Variants in SLC22A15 observed in about 807,000 individuals in gnomAD.
SLC22A15 encodes flipt 1.
In SLC22A15, 45 loss-of-function variants were observed where a neutral mutation model predicts 62.7. The ratio of observed to expected loss-of-function variants is 0.72; its 90% confidence interval spans 0.56 to 0.92. The LOEUF is 0.92. Among genes scored for constraint, SLC22A15 ranks in the 40% least tolerant of loss-of-function variants. The pLI, the probability that SLC22A15 is intolerant of heterozygous loss-of-function variation, is 0.00. For synonymous variants in SLC22A15, 264 were observed against 267.0 expected, an observed-to-expected ratio of 0.99 and a Z score of 0.11; for missense variants, 622 against 665.6, an observed-to-expected ratio of 0.93 and a Z score of 0.72.
chr1:116,045,403 C>G (rs1657906419), intron 8 of SLC22A15, among the ~76,000 whole-genome samples: 1 of 151,500 alleles, frequency 6.6e-6, no homozygotes. Context: ...ATAATTTTAT[C>G]AAGGAAAAAC....
Position 116,035,267 on chromosome 1 carries a change from T to C in SLC22A15, c.1025T>C (p.Leu342Pro). The stretch of plus-strand genomic sequence containing the variant: ...GGAAGTATTTATGCCAACCTGGCCC[T>C]GTCTGGCCTCATAGAGATTCCATCT... ...LGGSIYANLA[L>P]SGLIEIPSYP... Residue 342 changes from leucine (L) to proline (P), a missense_variant, in exon 7 of 12, where the codon CTG (leucine) becomes CCG (proline). Coordinates refer to ENST00000369503, the MANE Select transcript of SLC22A15 (RefSeq NM_018420.3). 1 of 1,613,472 alleles carries C rather than the reference T, an allele frequency of 6.2e-7. No individual in the cohort carries two copies. The highest frequency in any genetic ancestry group is 1.1e-5 in the South Asian group (1 of 91,044).
chr1:116,042,725 C>T lies in SLC22A15; in HGVS notation c.1171+5337C>T, dbSNP rs1012930963. ...AGCAAAAACATACAGAATTGAAAGG[C>T]GAAATAGACAAATCCAAGAAACACA... On this transcript the variant is annotated intron_variant, in intron 8 of 11. Transcript: ENST00000369503. 7.9e-5 allele frequency among the ~76,000 whole-genome samples: 12 copies of T among 152,100 alleles called. No homozygotes were observed. The East Asian group carries it at 9.7e-4, about 12-fold the overall frequency.
At chr1:115,998,978 A>G (rs936971587) in intron 2 of SLC22A15, among the ~76,000 whole-genome samples, 1 of 151,598 alleles carries the variant, frequency 6.6e-6, no homozygotes, top group Non-Finnish European at 1.5e-5. Flanking sequence ...TTGTATTTCT[A>G]TTTTCATTTG....
chr1:116,050,096 T>C (rs1168983847), intron 8 of SLC22A15, among the ~76,000 whole-genome samples: 1 of 152,018 alleles, frequency 6.6e-6, no homozygotes, highest in African/African-American at 2.4e-5. Context: ...GAGATTGAAA[T>C]GGTAATTTAA....
chr1:116,050,704 T>C (rs1658030033), intron 8 of SLC22A15, among the ~76,000 whole-genome samples: 1 of 152,162 alleles, frequency 6.6e-6, no homozygotes, highest in Non-Finnish European at 1.5e-5. Context: ...TTCGACATAG[T>C]ACTGGAAGTC....
At position 116,067,183 on chromosome 1, in the gene SLC22A15, C is replaced by T. The variant is rs149892381; in HGVS notation, c.*75C>T. 1.7e-4 allele frequency: 193 copies of T among 1,107,616 alleles called. No individual in the cohort carries two copies. In the African/African-American group the frequency reaches 2.3e-3, roughly 13 times the overall value. 68.6% of individuals were successfully genotyped at this position (1,107,616 alleles called of 1,614,324 possible). A position where few individuals can be genotyped will look rare whatever the true frequency, so the allele number is the denominator to read the frequency against. On this transcript the variant is annotated 3_prime_UTR_variant, in exon 12 of 12. Coordinates refer to ENST00000369503, the MANE Select transcript of SLC22A15 (RefSeq NM_018420.3). The stretch of plus-strand genomic sequence containing the variant: ...GGCTAAGGCAGGTTCTTCCATGACT[C>T]CTAAGAGAGTTGTAAAAATAGAGGC...
chr1:116,055,986 A>G (rs1228108126), intron 8 of SLC22A15, among the ~76,000 whole-genome samples: 25 of 133,036 alleles, frequency 1.9e-4, no homozygotes, highest in Admixed American at 3.1e-4. Context: ...TTCCCTTTGA[A>G]AACTGGCACA....
In SLC22A15 at chr1:115,992,162, G is replaced by A; in HGVS notation, c.219G>A (p.Gly73=). The A allele has an allele frequency of 6.2e-7, 1 of 1,612,872 alleles. No homozygotes were observed. The highest frequency in any genetic ancestry group is 8.5e-7 in the Non-Finnish European group (1 of 1,179,466). Residue 73 remains glycine (G), a synonymous_variant, in exon 2 of 12, where the codon GGG becomes GGA. Coordinates refer to ENST00000369503, the MANE Select transcript of SLC22A15 (RefSeq NM_018420.3). ...NQSAGEDQAF[G]DWLLTANGSE... Reference sequence around the variant, plus strand: ...CAGCTGGTGAAGACCAGGCCTTTGGGGACTGGCTCCTGACAGCCAACGGCA... The same window carrying A: ...CAGCTGGTGAAGACCAGGCCTTTGGAGACTGGCTCCTGACAGCCAACGGCA...
chr1:116,013,432 A>T (rs1656371165), intron 2 of SLC22A15, among the ~76,000 whole-genome samples: 1 of 152,154 alleles, frequency 6.6e-6, no homozygotes, highest in South Asian at 2.1e-4. Flanking sequence ...GGGTGAAAAA[A>T]TAGAAAGTCT....
rs1412440881 is a variant in SLC22A15 at position 116,067,044 on chromosome 1, G to A, written c.1580G>A (p.Gly527Glu). Reference sequence around the variant, plus strand: ...TGTGTGGACAAGGAGAGCTCTTTAGGGAGTGAGAGTGAGGAAGAGGAAGAA... The same window carrying A: ...TGTGTGGACAAGGAGAGCTCTTTAGAGAGTGAGAGTGAGGAAGAGGAAGAA... ...QQCVDKESSL[G>E]SESEEEEEFY... The change falls in exon 12 of 12, where the codon GGG becomes GAG. Residue 527 changes from glycine to glutamate, a missense_variant. Transcript: ENST00000369503. 1.2e-6 allele frequency: 2 copies of A among 1,612,606 alleles called. No individual in the cohort carries two copies. The highest frequency in any genetic ancestry group is 8.5e-7 in the Non-Finnish European group (1 of 1,179,432).
intron 2 of SLC22A15, among the ~76,000 whole-genome samples, chr1:115,995,220 C>G (rs967467427): frequency 6.6e-6 from 1 of 152,128 alleles, no homozygotes; most frequent in Admixed American, 6.5e-5. Flanking sequence ...CAGGTATTGT[C>G]TGATATTCTC....
chr1:115,989,155 A>C (rs1655028266), intron 1 of SLC22A15, among the ~76,000 whole-genome samples: 3 of 151,728 alleles, frequency 2.0e-5, no homozygotes, highest in Admixed American at 2.0e-4. Context: ...GTGCATGTGC[A>C]GGAGGTGGGT....
intron 4 of SLC22A15, among the ~76,000 whole-genome samples, chr1:116,023,576 C>T (rs938792190): frequency 6.6e-6 from 1 of 152,112 alleles, no homozygotes; most frequent in Non-Finnish European, 1.5e-5. Flanking sequence ...CCAGACACTG[C>T]TTTTTTTAGA....
At chr1:116,042,691 A>G (rs181445454) in intron 8 of SLC22A15, among the ~76,000 whole-genome samples, 242 of 152,362 alleles carry the variant, frequency 1.6e-3, no homozygotes, top group Non-Finnish European at 3.0e-3. Flanking sequence ...ATAAATTTAT[A>G]GTACACAAAG....
At chr1:116,060,822 A>G (rs938643661) in intron 8 of SLC22A15, among the ~76,000 whole-genome samples, 3 of 152,242 alleles carry the variant, frequency 2.0e-5, no homozygotes, top group African/African-American at 7.2e-5. Context: ...TTAAAAATAT[A>G]TATCCAGGAC....
chr1:115,985,146 G>A (rs1466845569), intron 1 of SLC22A15, among the ~76,000 whole-genome samples: 5 of 152,120 alleles, frequency 3.3e-5, no homozygotes, highest in African/African-American at 1.2e-4. Flanking sequence ...TTCCAGTCCC[G>A]CAGGCTCCGT....
intron 4 of SLC22A15, among the ~76,000 whole-genome samples, chr1:116,021,654 A>G (rs1570739126): frequency 6.6e-6 from 1 of 152,182 alleles, no homozygotes; most frequent in South Asian, 2.1e-4. Context: ...TGAGAAGGCC[A>G]TTTCTTAGAA....
chr1:115,989,981 G>C (rs1031145623), intron 1 of SLC22A15, among the ~76,000 whole-genome samples: 5 of 152,128 alleles, frequency 3.3e-5, no homozygotes, highest in African/African-American at 9.7e-5. Context: ...CTGCCTTTAA[G>C]GAGAGTATAT....
At chr1:116,064,768 A>G (rs1463396896) in intron 10 of SLC22A15, among the ~76,000 whole-genome samples, 1 of 152,090 alleles carries the variant, frequency 6.6e-6, no homozygotes, top group African/African-American at 2.4e-5. Context: ...TCCTGTCCCC[A>G]TGAAAAAGTT....
Sources: gnomAD v4.1 joint callset for allele counts (sites outside exome capture counted in the v4.1 genomes callset) on GRCh38, gnomAD v4.1.1 for gene constraint, MANE v1.5 for transcripts, NCBI Gene and HGNC (gene_info 2026-07-23, HGNC 2026-07-21) for gene names.